The following FHOD3 variants were observed in gnomAD, a reference collection of about 807,000 sequenced individuals.
The protein encoded by FHOD3 is formin homology 2 domain containing 3, also known as FH1/FH2 domain-containing protein 3.
A neutral mutation model predicts 173.0 loss-of-function variants in FHOD3; 90 were observed. That is an observed-to-expected ratio of 0.52 (90% CI 0.44 to 0.62). The LOEUF is 0.62. Ranked by LOEUF, FHOD3 falls within the 20% of genes least tolerant of loss-of-function variation. The probability of loss-of-function intolerance (pLI) is 0.00; values close to 1 mark genes in which losing one functional copy is unlikely to be tolerated. For missense variants in FHOD3, 1,945 were observed against 2,034.7 expected (o/e 0.96, Z 0.85); for synonymous variants, 828 against 823.0 (o/e 1.01, Z -0.10).
intron 3 of FHOD3, among the ~76,000 whole-genome samples, chr18:36,392,068 T>A (rs1224543786): frequency 1.3e-5 from 2 of 152,186 alleles, no homozygotes; most frequent in Admixed American, 1.3e-4. Flanking sequence ...GGGGTGGACT[T>A]TGGAGCTGGC....
chr18:36,741,272 C>T (rs1196615269), intron 21 of FHOD3, among the ~76,000 whole-genome samples: 1 of 152,088 alleles, frequency 6.6e-6, no homozygotes, highest in Non-Finnish European at 1.5e-5. Context: ...GGGAGGGGAA[C>T]AGAAGGAAAT....
At chr18:36,380,563 T>TTTTATTTTCTTTTCTTTTCC (rs1568196023) in intron 3 of FHOD3, among the ~76,000 whole-genome samples, 12 of 86,748 alleles carry the variant, frequency 1.4e-4, no homozygotes, top group African/African-American at 5.5e-4. Context: ...TTTTCTTTTC[T>TTTTATTTTCTTTTCTTTTCC]TTTCTTTTCT....
chr18:36,436,964 G>A (rs894222262), intron 3 of FHOD3, among the ~76,000 whole-genome samples: 1 of 152,164 alleles, frequency 6.6e-6, no homozygotes, highest in Non-Finnish European at 1.5e-5. Context: ...AAACAACTTA[G>A]ACATATCTTA....
intron 3 of FHOD3, among the ~76,000 whole-genome samples, chr18:36,399,777 A>G (rs557095501): frequency 3.3e-5 from 5 of 152,320 alleles, no homozygotes; most frequent in Admixed American, 1.3e-4. Context: ...GGAATCCAGG[A>G]TCAACTGTTT....
At chr18:36,340,005 A>G (rs940245052) in intron 1 of FHOD3, among the ~76,000 whole-genome samples, 7 of 152,154 alleles carry the variant, frequency 4.6e-5, no homozygotes, top group African/African-American at 1.7e-4. Flanking sequence ...CCCTTCCCCT[A>G]GGTTTTTGCT....
In FHOD3 at chr18:36,476,486, C is replaced by T. The variant is rs567828990; in HGVS notation, c.338-25446C>T. 1.5e-4 allele frequency among the ~76,000 whole-genome samples: 23 copies of T among 152,226 alleles called. No individual in the cohort carries two copies. The South Asian group carries it at 4.2e-3, about 27-fold the overall frequency. On this transcript the variant is annotated intron_variant, in intron 3 of 28. Coordinates refer to ENST00000590592, the MANE Select transcript of FHOD3 (RefSeq NM_001281740.3). Reference sequence around the variant, plus strand: ...CAGAGTGAAAGAGTGAGCTGGGAGGCGGGGAAGGCATCCCATCACCCTAAG... The same window carrying T: ...CAGAGTGAAAGAGTGAGCTGGGAGGTGGGGAAGGCATCCCATCACCCTAAG...
intron 18 of FHOD3, among the ~76,000 whole-genome samples, chr18:36,712,211 G>GA (rs1371601703): frequency 6.6e-6 from 1 of 152,118 alleles, no homozygotes; most frequent in African/African-American, 2.4e-5. Context: ...AGACATAATG[G>GA]AAAAATCACT....
chr18:36,369,438 TAA>T (rs35543097), intron 2 of FHOD3, among the ~76,000 whole-genome samples: 1 of 114,340 alleles, frequency 8.7e-6, no homozygotes, highest in Non-Finnish European at 1.9e-5. Flanking sequence ...TTATTTTATT[TAA>T]ACACACACAC....
intron 3 of FHOD3, among the ~76,000 whole-genome samples, chr18:36,453,629 G>T (rs926631308): frequency 1.3e-5 from 2 of 152,364 alleles, no homozygotes; most frequent in Non-Finnish European, 2.9e-5. Flanking sequence ...TTGAAGCAGG[G>T]GTCCAGAGTC....
At chr18:36,404,028 G>A (rs1444020421) in intron 3 of FHOD3, among the ~76,000 whole-genome samples, 2 of 152,204 alleles carry the variant, frequency 1.3e-5, no homozygotes, top group Admixed American at 6.5e-5. Flanking sequence ...GATATCCCCT[G>A]CATACAGAGG....
intron 1 of FHOD3, among the ~76,000 whole-genome samples, chr18:36,348,003 T>A (rs1033153005): frequency 6.6e-6 from 1 of 152,318 alleles, no homozygotes; most frequent in African/African-American, 2.4e-5. Flanking sequence ...GTGCCCTGTA[T>A]CTTGTCCCTT....
chr18:36,728,268 AC>A (rs2041178153), intron 19 of FHOD3, among the ~76,000 whole-genome samples: 1 of 152,234 alleles, frequency 6.6e-6, no homozygotes, highest in South Asian at 2.1e-4. Flanking sequence ...GGCCTCCAGC[AC>A]CACAGTATTG....
chr18:36,763,233 T>C (rs896664711), intron 27 of FHOD3, among the ~76,000 whole-genome samples: 2 of 146,642 alleles, frequency 1.4e-5, no homozygotes, highest in African/African-American at 5.0e-5. Context: ...TTATATACAA[T>C]ATGCGTATTA....
At chr18:36,370,406 C>T (rs749110730) in intron 2 of FHOD3, among the ~76,000 whole-genome samples, 5 of 151,900 alleles carry the variant, frequency 3.3e-5, no homozygotes, top group East Asian at 1.9e-4. Context: ...TCTCGGCATC[C>T]GGAAAAGATG....
At chr18:36,671,494 A>C (rs999826978) in intron 14 of FHOD3, among the ~76,000 whole-genome samples, 1 of 152,254 alleles carries the variant, frequency 6.6e-6, no homozygotes, top group Non-Finnish European at 1.5e-5. Flanking sequence ...CTGAAAATGG[A>C]AGTCCAAGAG....
Position 36,541,727 on chromosome 18 carries a change from C to G in FHOD3, c.511+29184C>G, listed in dbSNP as rs144194941. Among the ~76,000 whole-genome samples, 970 of 152,182 alleles carry G rather than the reference C, an allele frequency of 6.4e-3. 10 individuals carry two copies. The highest frequency in any genetic ancestry group is 0.022 in the African/African-American group (920 of 41,516). On this transcript the variant is annotated intron_variant, in intron 5 of 28. Coordinates refer to ENST00000590592, the MANE Select transcript of FHOD3 (RefSeq NM_001281740.3). ...TTGTCATGCAGTTGAGGTTCTGGGT[C>G]CATGATTTCCTATAACCTTTTAAAA...
chr18:36,600,373 T>C (rs1271078959), intron 7 of FHOD3, among the ~76,000 whole-genome samples: 3 of 151,954 alleles, frequency 2.0e-5, no homozygotes, highest in Non-Finnish European at 4.4e-5. Context: ...TGACAGGAGC[T>C]CCTAGGAAAT....
At chr18:36,602,946 C>T (rs1242643506) in intron 8 of FHOD3, among the ~76,000 whole-genome samples, 178 bp downstream of exon 8, 3 of 152,116 alleles carry the variant, frequency 2.0e-5, no homozygotes, top group African/African-American at 7.2e-5. Context: ...AAAAGAGACA[C>T]AGAGGGAAGA....
intron 1 of FHOD3, among the ~76,000 whole-genome samples, chr18:36,317,090 A>T (rs2144831730): frequency 6.6e-6 from 1 of 152,176 alleles, no homozygotes; most frequent in East Asian, 1.9e-4. Flanking sequence ...TCCATTGTGT[A>T]TATGTGCCAC....
Sources: allele counts gnomAD v4.1 joint callset (sites outside exome capture counted in the v4.1 genomes callset), GRCh38; gene constraint gnomAD v4.1.1; transcripts MANE v1.5; gene names NCBI Gene and HGNC (gene_info 2026-07-23, HGNC 2026-07-21).